Variants in C10orf67 observed in about 807,000 individuals in gnomAD.
C10orf67 encodes the protein uncharacterized protein C10orf67, mitochondrial.
In C10orf67, 60 loss-of-function variants were observed where a neutral mutation model predicts 35.6. That is an observed-to-expected ratio of 1.68 (90% confidence interval 1.37 to 2.09). The LOEUF is 2.09. Ranked by LOEUF, C10orf67 falls within the 30% of genes most tolerant of loss-of-function variation. The pLI is 0.00. For synonymous variants in C10orf67, 167 were observed against 115.8 expected (o/e 1.44, Z -2.84); for missense variants, 474 against 330.2 (o/e 1.44, Z -3.38).
At chr10:23,225,566 C>T (rs1841712381) in intron 13 of C10orf67, among the ~76,000 whole-genome samples, 2 of 152,282 alleles carry the variant, frequency 1.3e-5, no homozygotes, top group African/African-American at 4.8e-5. Flanking sequence ...TTAAAAGACA[C>T]AGACTGGCAA....
intron 1 of C10orf67, among the ~76,000 whole-genome samples, chr10:23,338,564 A>G (rs1343528925): frequency 6.6e-6 from 1 of 152,160 alleles, no homozygotes; most frequent in Non-Finnish European, 1.5e-5. Context: ...ATCCATCATC[A>G]CGGTATTCTC....
At chr10:23,275,145 G>A (rs765330844) in intron 8 of C10orf67, among the ~76,000 whole-genome samples, 5 of 152,104 alleles carry the variant, frequency 3.3e-5, no homozygotes, top group Non-Finnish European at 5.9e-5. Flanking sequence ...TCCTTACAGA[G>A]AGTATTTCCA....
intron 7 of C10orf67, among the ~76,000 whole-genome samples, chr10:23,286,618 G>A (rs1037980419): frequency 1.5e-5 from 2 of 131,996 alleles, no homozygotes; most frequent in African/African-American, 6.2e-5. Flanking sequence ...AGGAGGGAGG[G>A]AGGGAGGAAA....
chr10:23,253,517 T>C (rs1268686475), intron 10 of C10orf67, among the ~76,000 whole-genome samples: 18 of 151,832 alleles, frequency 1.2e-4, no homozygotes, highest in Admixed American at 9.2e-4. Context: ...GCCATTATGC[T>C]AAAAAAAATT....
chr10:23,284,480 C>G (rs113116663), intron 7 of C10orf67, among the ~76,000 whole-genome samples: 14 of 150,512 alleles, frequency 9.3e-5, no homozygotes, highest in Non-Finnish European at 1.9e-4. Flanking sequence ...CCCAGGAGTT[C>G]GAGACCAGCC....
chr10:23,284,258 C>G (rs1843461574), intron 7 of C10orf67, among the ~76,000 whole-genome samples: 1 of 151,542 alleles, frequency 6.6e-6, no homozygotes, highest in Admixed American at 6.6e-5. Flanking sequence ...ACAGATTCTT[C>G]CTATATAGTT....
chr10:23,290,888 C>T (rs1219591291), intron 6 of C10orf67, among the ~76,000 whole-genome samples: 1 of 152,178 alleles, frequency 6.6e-6, no homozygotes, highest in African/African-American at 2.4e-5. Flanking sequence ...TTTGCAAAGG[C>T]CAATGTCTGT....
intron 12 of C10orf67, among the ~76,000 whole-genome samples, chr10:23,249,706 G>A (rs543729407): frequency 1.3e-5 from 2 of 152,288 alleles, no homozygotes; most frequent in South Asian, 2.1e-4. Context: ...AGGATCTTTT[G>A]TGTAAGCTTC....
At chr10:23,208,205 A>G (rs1364176095) in intron 15 of C10orf67, among the ~76,000 whole-genome samples, 1 of 152,196 alleles carries the variant, frequency 6.6e-6, no homozygotes, top group Non-Finnish European at 1.5e-5. Flanking sequence ...GAAATGTTAA[A>G]TGCTCTCGTA....
At chr10:23,256,684 T>A (rs938194268) in intron 10 of C10orf67, among the ~76,000 whole-genome samples, 1 of 148,314 alleles carries the variant, frequency 6.7e-6, no homozygotes, top group African/African-American at 2.5e-5. Flanking sequence ...ACTCACAAGT[T>A]TTTTTTTTTT....
At chr10:23,241,892 C>T (rs1294856144) in intron 12 of C10orf67, among the ~76,000 whole-genome samples, 1 of 148,720 alleles carries the variant, frequency 6.7e-6, no homozygotes, top group East Asian at 1.9e-4. Flanking sequence ...AGTACCTAGA[C>T]ATGAAAAAAA....
intron 3 of C10orf67, among the ~76,000 whole-genome samples, chr10:23,321,376 G>GT (rs1376538486): frequency 1.3e-5 from 2 of 152,132 alleles, no homozygotes; most frequent in Non-Finnish European, 2.9e-5. Flanking sequence ...AAAAAAATTT[G>GT]TTTTTTAATT....
At chr10:23,224,593 A>C (rs1276742537) in intron 13 of C10orf67, among the ~76,000 whole-genome samples, 2 of 152,192 alleles carry the variant, frequency 1.3e-5, no homozygotes, top group African/African-American at 4.8e-5. Flanking sequence ...CTAAAGGAGG[A>C]AGTTAGAACC....
intron 13 of C10orf67, among the ~76,000 whole-genome samples, chr10:23,230,061 C>T (rs1175797310): frequency 6.6e-6 from 1 of 151,880 alleles, no homozygotes; most frequent in Non-Finnish European, 1.5e-5. Context: ...TCTTGCAAAA[C>T]AGGGCATGAG....
intron 4 of C10orf67, 56 bp from the exon 5 acceptor site, chr10:23,303,515 CACTT>C: frequency 2.3e-6 from 1 of 435,154 alleles, no homozygotes; most frequent in Non-Finnish European, 4.2e-6. Context: ...AAAAATTAGG[CACTT>C]ACACTAAATT....
chr10:23,261,959 C>G (rs1842761130), intron 10 of C10orf67, among the ~76,000 whole-genome samples: 1 of 152,174 alleles, frequency 6.6e-6, no homozygotes, highest in Non-Finnish European at 1.5e-5. Context: ...TGTGTTATAA[C>G]TCACATAGAC....
rs893955980 is a variant in C10orf67, at chr10:23,239,759, T to C, written c.1404A>G (p.Ala468=). Residue 468 remains alanine (A), a synonymous_variant, in exon 13 of 16, where the codon GCA becomes GCG. Coordinates refer to ENST00000636213, the MANE Select transcript of C10orf67 (RefSeq NM_001371909.1). ...AATTGAAGGATGTGTCAGCAAGCAC[T>C]GCAAACTGACGAAACAGTGTGTGCC... ...FTRHTLFRQF[A]VLADTSFNYI... 8 of 660,762 alleles carry C rather than the reference T, an allele frequency of 1.2e-5. No individual in the cohort carries two copies. Among genetic ancestry groups the C allele is most frequent in the Admixed American group, 2.0e-5 (1 of 49,520 alleles). The allele number at this position is 660,762 out of a possible 1,614,324, so 40.9% of individuals were successfully genotyped here. A position where few individuals can be genotyped will look rare whatever the true frequency, so the allele number is the denominator to read the frequency against.
At chr10:23,220,704 T>A (rs1183176423) in intron 15 of C10orf67, among the ~76,000 whole-genome samples, 1 of 152,218 alleles carries the variant, frequency 6.6e-6, no homozygotes, top group Non-Finnish European at 1.5e-5. Context: ...TGGTCTTATC[T>A]GTAAAATGGG....
At chr10:23,320,619 C>A (rs967086502) in intron 4 of C10orf67, 122 bp downstream of exon 4, 10 of 684,136 alleles carry the variant, frequency 1.5e-5, no homozygotes, top group Middle Eastern at 2.6e-4. Flanking sequence ...ACCTGAAAAT[C>A]GAGGAAACAG....
Sources: gnomAD v4.1 joint callset for allele counts (sites outside exome capture counted in the v4.1 genomes callset) on GRCh38, gnomAD v4.1.1 for gene constraint, MANE v1.5 for transcripts, NCBI Gene and HGNC (gene_info 2026-07-23, HGNC 2026-07-21) for gene names.